LAMC2: variants seen among roughly 807,000 people sequenced by gnomAD.
LAMC2 encodes laminin subunit gamma-2.
A neutral mutation model predicts 140.2 loss-of-function variants in LAMC2; 97 were observed. The ratio of observed to expected loss-of-function variants is 0.69; its 90% CI spans 0.59 to 0.82. LAMC2 has a LOEUF of 0.82. Ranked by LOEUF, LAMC2 falls within the 40% of genes least tolerant of loss-of-function variation. LAMC2 has a pLI of 0.00. For missense variants in LAMC2, 1,402 were observed against 1,476.1 expected (o/e 0.95, Z 0.82); for synonymous variants, 513 against 540.2 (o/e 0.95, Z 0.70).
rs185087270 is a variant in LAMC2, at chr1:183,189,538, T to G, written c.79+3107T>G. On this transcript the variant is annotated intron_variant, in intron 1 of 22. Transcript: ENST00000264144. ...CAAAGCGAGACCCTCTCTTTTTATT[T>G]TAGTTTAGAAGGGAAATTTGAGATA... Among the ~76,000 whole-genome samples, 8 of 152,180 alleles carry G rather than the reference T, an allele frequency of 5.3e-5. No homozygotes were observed. In the East Asian group the frequency reaches 9.7e-4, roughly 18 times the overall value.
At chr1:183,223,466 C>A in intron 7 of LAMC2, 142 bp downstream of exon 7, 1 of 758,966 alleles carries the variant, frequency 1.3e-6, no homozygotes, top group Non-Finnish European at 2.2e-6. Context: ...TTGCTATGTG[C>A]TGAGAAAGGA....
At position 183,231,043 on chromosome 1, in the gene LAMC2, C is replaced by T. The variant is rs370673817; in HGVS notation, c.1797C>T (p.Gly599=). 1.2e-5 allele frequency: 19 copies of T among 1,614,116 alleles called. No individual in the cohort carries two copies. In the Admixed American group the frequency reaches 3.2e-4, roughly 27 times the overall value. The part of the protein sequence containing the change: ...GTCVCKPGFG[G]PNCEHGAFSC... ...GTGTTTGCAAGCCAGGATTTGGTGG[C>T]CCCAACTGTGAGCATGGAGCATTCA... Residue 599 remains glycine, a synonymous_variant, in exon 12 of 23, where the codon GGC becomes GGT. Coordinates refer to ENST00000264144, the MANE Select transcript of LAMC2 (RefSeq NM_005562.3).
intron 1 of LAMC2, 32 bp from the exon 2 acceptor site, chr1:183,207,849 T>TTTTGACGA: frequency 6.4e-7 from 1 of 1,574,792 alleles, no homozygotes; most frequent in Non-Finnish European, 8.7e-7. Context: ...TTTTTTTTTT[T>TTTTGACGA]TGACGATCTC....
Position 183,203,982 on chromosome 1 carries a change from G to T in LAMC2, c.80-3899G>T, listed in dbSNP as rs546037083. On this transcript the variant is annotated intron_variant, in intron 1 of 22. Transcript: ENST00000264144. ...CCTGGAACCGTAATGCAACTCCATTGAAGGCTGTGCATTTAAAGGACAATG... is the reference window on the plus strand; with the variant it reads ...CCTGGAACCGTAATGCAACTCCATTTAAGGCTGTGCATTTAAAGGACAATG... Among the ~76,000 whole-genome samples the T allele has an allele frequency of 3.0e-4, 46 of 152,290 alleles. 1 individual carries two copies. Among genetic ancestry groups the T allele is most frequent in the African/African-American group, 1.1e-3 (44 of 41,582 alleles).
At chr1:183,242,436 C>T (rs545459439) in intron 22 of LAMC2, among the ~76,000 whole-genome samples, 14 of 152,304 alleles carry the variant, frequency 9.2e-5, no homozygotes, top group African/African-American at 3.4e-4. Flanking sequence ...TCGAATTGAC[C>T]AAGGCCACTC....
chr1:183,240,468 C>T, intron 22 of LAMC2, 77 bp downstream of exon 22: 1 of 1,577,088 alleles, frequency 6.3e-7, no homozygotes. Context: ...TATACCTAGC[C>T]CCAGCAAAGG....
intron 1 of LAMC2, among the ~76,000 whole-genome samples, chr1:183,190,783 C>T (rs1349683026): frequency 6.6e-6 from 1 of 152,122 alleles, no homozygotes; most frequent in African/African-American, 2.4e-5. Flanking sequence ...TTTGTTCACT[C>T]ACATTTTATG....
chr1:183,205,802 GGTGTGT>G (rs3064949), intron 1 of LAMC2, among the ~76,000 whole-genome samples: 1 of 150,682 alleles, frequency 6.6e-6, no homozygotes, highest in Non-Finnish European at 1.5e-5. Flanking sequence ...AGAGAGTAGG[GGTGTGT>G]GTGTGTGTGT....
At chr1:183,189,400 G>A (rs1658253888) in intron 1 of LAMC2, among the ~76,000 whole-genome samples, 1 of 152,034 alleles carries the variant, frequency 6.6e-6, no homozygotes, top group Admixed American at 6.6e-5. Context: ...GACCAGCCTG[G>A]GCAACATGGA....
chr1:183,215,445 G>A lies in LAMC2; in HGVS notation c.269-8G>A. 3 of 1,613,984 alleles carry A rather than the reference G, an allele frequency of 1.9e-6. No homozygotes were observed. The highest frequency in any genetic ancestry group is 1.7e-4 in the Middle Eastern group (1 of 5,992). ...CTTCTTTCCTTTCCCCTACCTTGTG[G>A]GTTTCAGGTTCTCTTAGTGCTCGAT... On this transcript the variant is annotated splice_region_variant and splice_polypyrimidine_tract_variant and intron_variant, in intron 2 of 22. Transcript: ENST00000264144.
chr1:183,230,494 C>T (rs1359241207), intron 11 of LAMC2, among the ~76,000 whole-genome samples: 2 of 152,168 alleles, frequency 1.3e-5, no homozygotes, highest in African/African-American at 2.4e-5. Context: ...ATTTCCTACA[C>T]CAAAGGCCGC....
intron 1 of LAMC2, among the ~76,000 whole-genome samples, chr1:183,186,752 G>A (rs1206774426): frequency 6.6e-6 from 1 of 152,046 alleles, no homozygotes; most frequent in Non-Finnish European, 1.5e-5. Context: ...TGTTATATAC[G>A]TTCTTTCCCC....
At chr1:183,214,707 C>T (rs1232201218) in intron 2 of LAMC2, among the ~76,000 whole-genome samples, 1 of 151,878 alleles carries the variant, frequency 6.6e-6, no homozygotes, top group African/African-American at 2.4e-5. Flanking sequence ...GAGGAGAGTG[C>T]AAGGCAGGGC....
chr1:183,258,708 G>C, the LAMC2 span, among the ~76,000 whole-genome samples: 3 of 152,038 alleles, frequency 2.0e-5, no homozygotes, highest in African/African-American at 7.2e-5. Flanking sequence ...ATCAGTGTTT[G>C]CAATATTTTG....
At chr1:183,232,894 C>T (rs1238113366) in intron 14 of LAMC2, 37 bp downstream of exon 14, 1 of 1,585,320 alleles carries the variant, frequency 6.3e-7, no homozygotes, top group South Asian at 1.1e-5. Flanking sequence ...GAGAATACTG[C>T]TGTGTTGGGA....
downstream of LAMC2, among the ~76,000 whole-genome samples, chr1:183,247,079 G>A (rs1660255692): frequency 6.6e-6 from 1 of 152,228 alleles, no homozygotes; most frequent in South Asian, 2.1e-4. Context: ...GGGAGGCCAA[G>A]GCAGGCAGAT....
the LAMC2 span, chr1:183,252,721 C>T: frequency 2.5e-6 from 4 of 1,613,956 alleles, no homozygotes; most frequent in Non-Finnish European, 3.4e-6. Flanking sequence ...ACAACATGGC[C>T]GTCCCCATGC....
chr1:183,228,383 G>A lies in LAMC2; in HGVS notation c.1478G>A (p.Cys493Tyr). Residue 493 changes from cysteine (C) to tyrosine (Y), a missense_variant, in exon 11 of 23, where the codon TGT (cysteine) becomes TAT (tyrosine). Cys to Tyr is a radical substitution (Grantham distance 194, BLOSUM62 -2). Around this residue, in one of 3 missense-constraint regions of LAMC2, gnomAD observed 723 missense variants for 783.3 expected, o/e 0.92. Coordinates refer to ENST00000264144, the MANE Select transcript of LAMC2 (RefSeq NM_005562.3). This position sits in a 1 kb window ranked among gnomAD's most constrained non-coding sequence, Gnocchi z 4.3. ...ATTTGTTCCTTCCCAGGTGCCCGCT[G>A]TGAGCTCTGTGCTGATGGCTACTTT... is the stretch of plus-strand genomic sequence containing the variant. ...NCPPGVTGAR[C>Y]ELCADGYFGD... 1 of 1,614,146 alleles carries A rather than the reference G, an allele frequency of 6.2e-7. No homozygotes were observed. The highest frequency in any genetic ancestry group is 8.5e-7 in the Non-Finnish European group (1 of 1,180,034).
Position 183,186,392 on chromosome 1 carries a change from C to A in LAMC2, c.40C>A (p.Leu14Ile). ...LWLGCCLCFS[L>I]LLPAARATSR... ...GCTGGGCTGCTGCCTCTGCTTCTCG[C>A]TCCTCCTGCCCGCAGCCCGGGCCAC... Residue 14 changes from leucine to isoleucine, a missense_variant, in exon 1 of 23, where the codon CTC becomes ATC. Physicochemically the swap from Leu to Ile is conservative, Grantham distance 5. Transcript: ENST00000264144. 1.2e-6 allele frequency: 2 copies of A among 1,605,932 alleles called. No homozygotes were observed. Among genetic ancestry groups the A allele is most frequent in the Non-Finnish European group, 1.7e-6 (2 of 1,179,662 alleles).
Sources: allele counts gnomAD v4.1 joint callset (sites outside exome capture counted in the v4.1 genomes callset), GRCh38; gene constraint gnomAD v4.1.1; regional missense constraint gnomAD v4.1.1; non-coding constraint Gnocchi (gnomAD v3.1); transcripts MANE v1.5; gene names NCBI Gene and HGNC (gene_info 2026-07-23, HGNC 2026-07-21).